Variants in NCAM1 observed in about 807,000 individuals in gnomAD.
NCAM1 encodes the protein neural cell adhesion molecule 1.
In NCAM1, 14 loss-of-function variants were observed where a neutral mutation model predicts 109.8. That is an observed-to-expected ratio of 0.13 (90% CI 0.08 to 0.20). NCAM1 has a LOEUF of 0.20. Ranked by LOEUF, NCAM1 falls within the 10% of genes least tolerant of loss-of-function variation. The probability of loss-of-function intolerance (pLI) is 1.00; values close to 1 mark genes in which losing one functional copy is unlikely to be tolerated. For synonymous variants in NCAM1, 418 were observed against 442.9 expected (o/e 0.94, Z 0.70); for missense variants, 774 against 1,109.9 (o/e 0.70, Z 4.30).
At chr11:113,210,775 AACACACACACACACACACACAC>A (rs35387760) in intron 7 of NCAM1, among the ~76,000 whole-genome samples, 14 of 130,980 alleles carry the variant, frequency 1.1e-4, no homozygotes, top group Admixed American at 3.1e-4. Flanking sequence ...CTTCATCACA[AACACACACACACACACACACAC>A]ACACACACAC....
chr11:113,021,049 AC>A (rs1488506283), intron 1 of NCAM1, among the ~76,000 whole-genome samples: 1 of 152,094 alleles, frequency 6.6e-6, no homozygotes, highest in Non-Finnish European at 1.5e-5. Context: ...GAGCCACCGC[AC>A]CCAAGCTTAT....
chr11:113,009,312 G>GTTTTTTTTTTTGTT (rs1951973495), intron 1 of NCAM1, among the ~76,000 whole-genome samples: 1 of 79,656 alleles, frequency 1.3e-5, no homozygotes, highest in African/African-American at 4.8e-5. Flanking sequence ...GTTTTTTCGG[G>GTTTTTTTTTTTGTT]TTTTTTTTTT....
chr11:113,043,807 C>G (rs1953162716), intron 1 of NCAM1, among the ~76,000 whole-genome samples: 2 of 152,156 alleles, frequency 1.3e-5, no homozygotes, highest in African/African-American at 4.8e-5. Flanking sequence ...GTCATATCTC[C>G]CTCCCCAACC....
intron 1 of NCAM1, among the ~76,000 whole-genome samples, chr11:113,051,956 G>A (rs914115896): frequency 4.6e-5 from 7 of 152,194 alleles, no homozygotes; most frequent in East Asian, 1.9e-4. Flanking sequence ...TGTGCTTAGC[G>A]TAAGTTCTAG....
chr11:112,964,726 A>G (rs1333102345), intron 1 of NCAM1, among the ~76,000 whole-genome samples: 1 of 152,228 alleles, frequency 6.6e-6, no homozygotes, highest in Non-Finnish European at 1.5e-5. Flanking sequence ...AATAAAGGCT[A>G]TATAAGAATG....
intron 1 of NCAM1, chr11:113,133,346 T>C (rs188763043): frequency 6.6e-6 from 1 of 152,244 alleles, no homozygotes; most frequent in African/African-American, 2.4e-5. Flanking sequence ...TCTGACTGTT[T>C]TCTGTTTCCT....
chr11:113,010,359 G>A (rs1437360391), intron 1 of NCAM1, among the ~76,000 whole-genome samples: 2 of 152,120 alleles, frequency 1.3e-5, no homozygotes, highest in African/African-American at 4.8e-5. Context: ...CTCTATTTTA[G>A]TCAGATGGGC....
intron 1 of NCAM1, among the ~76,000 whole-genome samples, chr11:112,983,823 G>A (rs1023067938): frequency 6.6e-6 from 1 of 151,906 alleles, no homozygotes; most frequent in African/African-American, 2.4e-5. Flanking sequence ...ATAACAAAGT[G>A]ATTACTATAG....
chr11:112,973,259 T>C (rs1950929273), intron 1 of NCAM1, among the ~76,000 whole-genome samples: 1 of 152,162 alleles, frequency 6.6e-6, no homozygotes, highest in Non-Finnish European at 1.5e-5. Context: ...TCATTTTCAA[T>C]TTGAGTGTCC....
intron 1 of NCAM1, among the ~76,000 whole-genome samples, chr11:112,997,426 G>A (rs1951624506): frequency 6.6e-6 from 1 of 152,094 alleles, no homozygotes; most frequent in African/African-American, 2.4e-5. Context: ...AGGTTAATGA[G>A]ACCACATAAA....
rs114558662 is a variant in NCAM1 at position 113,081,629 on chromosome 11, G to C, written c.52+119965G>C. Among the ~76,000 whole-genome samples, 1,212 of 152,230 alleles carry C rather than the reference G, an allele frequency of 8.0e-3. 22 individuals are homozygous for C. Among genetic ancestry groups the C allele is most frequent in the African/African-American group, 0.028 (1,156 of 41,522 alleles). ...GGCTCACTGCAACCTCTGCCTCTGG[G>C]TATAAGTGATTCTCCTACCTCAGCC... On this transcript the variant is annotated intron_variant, in intron 1 of 19. Coordinates refer to ENST00000316851, the MANE Select transcript of NCAM1 (RefSeq NM_181351.5).
intron 1 of NCAM1, among the ~76,000 whole-genome samples, chr11:112,971,092 C>T (rs906359802): frequency 6.6e-6 from 1 of 151,614 alleles, no homozygotes; most frequent in South Asian, 2.1e-4. Flanking sequence ...ATCTGTTTAA[C>T]GGGCTTCCAT....
chr11:113,204,344 C>A lies in NCAM1; in HGVS notation c.186C>A (p.Leu62=). 6.2e-7 allele frequency: 1 copy of A among 1,613,906 alleles called. No homozygotes were observed. The highest frequency in any genetic ancestry group is 8.5e-7 in the Non-Finnish European group (1 of 1,179,850). ...GGTTCTCCCCCAATGGAGAAAAGCT[C>A]ACCCCAAACCAGCAGCGGATCTCAG... ...ISWFSPNGEK[L]TPNQQRISVV... Residue 62 remains leucine, a synonymous_variant, in exon 3 of 20, where the codon CTC becomes CTA. Transcript: ENST00000316851.
intron 1 of NCAM1, among the ~76,000 whole-genome samples, chr11:113,113,430 G>A (rs1239737667): frequency 1.3e-5 from 2 of 152,224 alleles, no homozygotes; most frequent in Admixed American, 6.5e-5. Flanking sequence ...TGTTGACTTT[G>A]TTTCTCTCTG....
chr11:113,251,993 A>T (rs1765490577), intron 15 of NCAM1, among the ~76,000 whole-genome samples: 1 of 152,242 alleles, frequency 6.6e-6, no homozygotes, highest in African/African-American at 2.4e-5. Flanking sequence ...GACAGTGAAC[A>T]CTGGAAGATA....
intron 9 of NCAM1, among the ~76,000 whole-genome samples, chr11:113,223,961 G>T (rs1487962447): frequency 3.3e-5 from 5 of 152,218 alleles, no homozygotes; most frequent in African/African-American, 1.2e-4. Flanking sequence ...GCGGTTCCAA[G>T]ATGGCCGAAT....
At chr11:113,090,077 G>A (rs1345375016) in intron 1 of NCAM1, among the ~76,000 whole-genome samples, 6 of 152,166 alleles carry the variant, frequency 3.9e-5, no homozygotes, top group Non-Finnish European at 8.8e-5. Flanking sequence ...CCAGCTATTC[G>A]TAGATTGTGG....
chr11:113,228,898 G>T (rs1944923382), intron 9 of NCAM1, among the ~76,000 whole-genome samples: 2 of 152,122 alleles, frequency 1.3e-5, no homozygotes. Context: ...AGCTGAAACT[G>T]GACCCCTTCC....
intron 15 of NCAM1, among the ~76,000 whole-genome samples, chr11:113,252,911 G>A (rs963510327): frequency 1.3e-4 from 17 of 134,274 alleles, no homozygotes; most frequent in Middle Eastern, 4.6e-3. Flanking sequence ...TCAGCCTCCC[G>A]AAGTCCTAGG....
Sources: allele counts gnomAD v4.1 joint callset (sites outside exome capture counted in the v4.1 genomes callset), GRCh38; gene constraint gnomAD v4.1.1; transcripts MANE v1.5; gene names NCBI Gene and HGNC (gene_info 2026-07-23, HGNC 2026-07-21).